Variants in CNTN5 observed in about 807,000 individuals in gnomAD.
CNTN5 encodes contactin-5.
In CNTN5, 77 loss-of-function variants were observed where a neutral mutation model predicts 129.1. That is an observed-to-expected ratio of 0.60 (90% CI 0.50 to 0.72). The LOEUF is 0.72. Among genes scored for constraint, CNTN5 ranks in the 30% least tolerant of loss-of-function variants. The pLI is 0.00. For synonymous variants in CNTN5, 509 were observed against 465.6 expected, an observed-to-expected ratio of 1.09 and a Z score of -1.20; for missense variants, 1,478 against 1,328.8, an observed-to-expected ratio of 1.11 and a Z score of -1.75.
intron 16 of CNTN5, among the ~76,000 whole-genome samples, chr11:100,247,275 T>C (rs958636901): frequency 6.6e-6 from 1 of 152,176 alleles, no homozygotes; most frequent in East Asian, 1.9e-4. Flanking sequence ...TAGATAATGA[T>C]GATGGTAACA....
At chr11:99,885,099 A>G (rs1948867972) in intron 6 of CNTN5, among the ~76,000 whole-genome samples, 1 of 152,100 alleles carries the variant, frequency 6.6e-6, no homozygotes, top group African/African-American at 2.4e-5. Flanking sequence ...CCTGTGCAAC[A>G]TGGCACAATC....
intron 3 of CNTN5, among the ~76,000 whole-genome samples, chr11:99,617,695 T>C (rs75461612): frequency 0.071 from 10,731 of 152,122 alleles, 435 homozygotes; most frequent in East Asian, 0.11. Flanking sequence ...GCATTATCCA[T>C]TGGGGAGACA....
In CNTN5 at chr11:100,002,016, C is replaced by T. The variant is rs1223872505; in HGVS notation, c.878-18C>T. On this transcript the variant is annotated intron_variant, in intron 8 of 24. Coordinates refer to ENST00000524871, the MANE Select transcript of CNTN5 (RefSeq NM_014361.4). ...GTAACATTCATTTGATGCTTAAAGA[C>T]TATTCTTTCTTTCTAAGGTGTGATG... 1 of 1,491,140 alleles carries T rather than the reference C, an allele frequency of 6.7e-7. No homozygotes were observed. The highest frequency in any genetic ancestry group is 1.2e-5 in the South Asian group (1 of 80,372). 92.4% of individuals were successfully genotyped at this position (1,491,140 alleles called of 1,614,324 possible).
At chr11:99,625,855 TATG>T (rs1180600228) in intron 3 of CNTN5, among the ~76,000 whole-genome samples, 30 of 151,666 alleles carry the variant, frequency 2.0e-4, no homozygotes, top group Admixed American at 2.6e-4. Context: ...ATGAGTGAAA[TATG>T]ATCTTTATGT....
intron 3 of CNTN5, among the ~76,000 whole-genome samples, chr11:99,728,721 A>G (rs951623445): frequency 6.6e-6 from 1 of 152,164 alleles, no homozygotes; most frequent in East Asian, 1.9e-4. Flanking sequence ...ACCATGAGTC[A>G]CCAAAATTGG....
At chr11:99,764,452 G>C (rs1275940035) in intron 3 of CNTN5, among the ~76,000 whole-genome samples, 2 of 152,070 alleles carry the variant, frequency 1.3e-5, no homozygotes, top group African/African-American at 4.8e-5. Context: ...TTTCACTCCT[G>C]TTGTCCAGGC....
chr11:99,656,419 T>G (rs1175471154), intron 3 of CNTN5, among the ~76,000 whole-genome samples: 1 of 152,096 alleles, frequency 6.6e-6, no homozygotes, highest in East Asian at 1.9e-4. Flanking sequence ...TCCAAAAACT[T>G]AAGTTCATAG....
At chr11:99,527,190 C>G (rs915923687) in intron 2 of CNTN5, among the ~76,000 whole-genome samples, 34 of 152,282 alleles carry the variant, frequency 2.2e-4, no homozygotes, top group African/African-American at 7.9e-4. Flanking sequence ...ATTGATTGTG[C>G]TTTAGCTTAT....
rs911143049 is a variant in CNTN5 at position 100,168,815 on chromosome 11, TAAA to T, written c.1581-22308_1581-22306del. Among the ~76,000 whole-genome samples the T allele has an allele frequency of 5.3e-5, 8 of 151,956 alleles. No individual in the cohort carries two copies. In the South Asian group the frequency reaches 8.3e-4, roughly 16 times the overall value. Reference sequence around the variant, plus strand: ...TCTGATGGATCTGGGCAAAGTAAATTAAAAACGTTCTGGAAAATGTTTACCATT... The same window carrying T: ...TCTGATGGATCTGGGCAAAGTAAATTAACGTTCTGGAAAATGTTTACCATT... On this transcript the variant is annotated intron_variant, in intron 13 of 24. Coordinates refer to ENST00000524871, the MANE Select transcript of CNTN5 (RefSeq NM_014361.4).
At chr11:99,813,826 C>CA (rs913286216) in intron 3 of CNTN5, among the ~76,000 whole-genome samples, 3 of 151,818 alleles carry the variant, frequency 2.0e-5, no homozygotes, top group Admixed American at 1.3e-4. Flanking sequence ...TTTAATGTAG[C>CA]AAAAAATGGT....
At chr11:99,792,375 C>G (rs1945776245) in intron 3 of CNTN5, among the ~76,000 whole-genome samples, 1 of 151,802 alleles carries the variant, frequency 6.6e-6, no homozygotes, top group South Asian at 2.1e-4. Context: ...TTTTTAGTTC[C>G]TTTTTTGAGA....
At chr11:99,315,914 T>G (rs1865319647) in intron 1 of CNTN5, among the ~76,000 whole-genome samples, 2 of 131,888 alleles carry the variant, frequency 1.5e-5, no homozygotes, top group Admixed American at 7.3e-5. Context: ...ATGACACAAA[T>G]TATAGAGTCG....
At chr11:99,433,403 C>G (rs60253208) in intron 2 of CNTN5, among the ~76,000 whole-genome samples, 2,756 of 21,728 alleles carry the variant, frequency 0.13, 98 homozygotes, top group African/African-American at 0.24. Flanking sequence ...GTGTGTGTGT[C>G]TTTGTGTGTG....
At chr11:99,107,059 T>C (rs1225920146) in intron 1 of CNTN5, among the ~76,000 whole-genome samples, 1 of 152,158 alleles carries the variant, frequency 6.6e-6, no homozygotes, top group African/African-American at 2.4e-5. Context: ...CTATCTGTTA[T>C]CAAACAAGTG....
intron 7 of CNTN5, among the ~76,000 whole-genome samples, chr11:99,944,282 C>A (rs887296225): frequency 6.6e-6 from 1 of 151,886 alleles, no homozygotes; most frequent in East Asian, 1.9e-4. Flanking sequence ...GAAGCAAGAG[C>A]AAACAAATTC....
At chr11:99,441,559 T>C (rs1460250717) in intron 2 of CNTN5, among the ~76,000 whole-genome samples, 1 of 152,194 alleles carries the variant, frequency 6.6e-6, no homozygotes, top group East Asian at 1.9e-4. Flanking sequence ...CAGCTCTTGT[T>C]TGAGGGGCAG....
chr11:99,295,677 C>A (rs1864351477), intron 1 of CNTN5, among the ~76,000 whole-genome samples: 1 of 151,074 alleles, frequency 6.6e-6, no homozygotes, highest in South Asian at 2.1e-4. Flanking sequence ...GAGATCGAGA[C>A]CATCCTGGCT....
chr11:99,791,403 C>A (rs1442561651), intron 3 of CNTN5, among the ~76,000 whole-genome samples: 2 of 152,100 alleles, frequency 1.3e-5, no homozygotes, highest in African/African-American at 4.8e-5. Flanking sequence ...AATAGGGAGA[C>A]TTTCCCCGTC....
At chr11:99,965,236 C>G (rs903068386) in intron 8 of CNTN5, among the ~76,000 whole-genome samples, 1 of 151,982 alleles carries the variant, frequency 6.6e-6, no homozygotes, top group Non-Finnish European at 1.5e-5. Flanking sequence ...TTTTCTAGTT[C>G]TTTTAATTGT....
Sources: gnomAD v4.1 joint callset for allele counts (sites outside exome capture counted in the v4.1 genomes callset) on GRCh38, gnomAD v4.1.1 for gene constraint, MANE v1.5 for transcripts, NCBI Gene and HGNC (gene_info 2026-07-23, HGNC 2026-07-21) for gene names.